RB1CC1: variants seen among roughly 807,000 people sequenced by gnomAD.
The protein encoded by RB1CC1 is RB1-inducible coiled-coil protein 1.
A neutral mutation model predicts 177.5 loss-of-function variants in RB1CC1; 46 were observed. That is an observed-to-expected ratio of 0.26 (90% confidence interval 0.20 to 0.33). RB1CC1 has a LOEUF of 0.33. Among genes scored for constraint, RB1CC1 ranks in the 10% least tolerant of loss-of-function variants. The pLI is 1.00. For synonymous variants in RB1CC1, 666 were observed against 613.6 expected (o/e 1.09, Z -1.26); for missense variants, 1,703 against 1,816.3 (o/e 0.94, Z 1.13).
intron 5 of RB1CC1, among the ~76,000 whole-genome samples, chr8:52,683,301 A>T (rs1853938387): frequency 6.6e-6 from 1 of 152,230 alleles, no homozygotes; most frequent in African/African-American, 2.4e-5. Context: ...TTTACATATT[A>T]TCTAGGAAAG....
intron 23 of RB1CC1, 78 bp from the exon 24 acceptor site, chr8:52,623,937 C>CA: frequency 1.1e-6 from 1 of 924,364 alleles, no homozygotes; most frequent in South Asian, 1.4e-5. Context: ...CACACACACC[C>CA]AAAAAACAAA....
In RB1CC1 at chr8:52,656,828, G is replaced by C; in HGVS notation, c.3001C>G (p.Gln1001Glu). The change falls in exon 15 of 24, where the codon CAA becomes GAA. Residue 1001 changes from glutamine to glutamate, a missense_variant. By Grantham distance (29) the Gln-to-Glu change is conservative (BLOSUM62 2). Coordinates refer to ENST00000025008, the MANE Select transcript of RB1CC1 (RefSeq NM_014781.5). ...TCTGTCATAACCTTCTCAAACTCTTGTATGTGCCTAACCTGAAGTGTGTCC... is the reference window on the plus strand; with the variant it reads ...TCTGTCATAACCTTCTCAAACTCTTCTATGTGCCTAACCTGAAGTGTGTCC... Reference protein sequence around the residue: ...LEDTLQVRHIQEFEKVMTDHR... With the variant: ...LEDTLQVRHIEEFEKVMTDHR... 3.7e-6 allele frequency: 6 copies of C among 1,613,666 alleles called. No homozygotes were observed. Among genetic ancestry groups the C allele is most frequent in the African/African-American group, 1.3e-5 (1 of 75,006 alleles).
At chr8:52,697,527 T>A (rs951870230) in intron 1 of RB1CC1, among the ~76,000 whole-genome samples, 1 of 152,068 alleles carries the variant, frequency 6.6e-6, no homozygotes, top group Admixed American at 6.5e-5. Context: ...TAACAGAAAA[T>A]GAACTCTGAA....
chr8:52,710,013 G>C (rs961539337), intron 1 of RB1CC1, among the ~76,000 whole-genome samples: 5 of 152,142 alleles, frequency 3.3e-5, no homozygotes, highest in Non-Finnish European at 7.4e-5. Flanking sequence ...AAATAATTTT[G>C]CCTGATCTCT....
intron 15 of RB1CC1, among the ~76,000 whole-genome samples, chr8:52,653,625 G>A (rs775865569): frequency 5.9e-5 from 9 of 152,164 alleles, no homozygotes; most frequent in Non-Finnish European, 1.2e-4. Context: ...TGGTGCTCAT[G>A]TGACAGAGTT....
chr8:52,687,917 G>T (rs1371318045), intron 1 of RB1CC1, among the ~76,000 whole-genome samples: 1 of 152,234 alleles, frequency 6.6e-6, no homozygotes, highest in Non-Finnish European at 1.5e-5. Context: ...GGATGTTGTT[G>T]TGGGAAGTCA....
chr8:52,701,793 A>G (rs866754015), intron 1 of RB1CC1, among the ~76,000 whole-genome samples: 40 of 140,820 alleles, frequency 2.8e-4, no homozygotes, highest in African/African-American at 9.9e-4. Flanking sequence ...GTCTTCTTTG[A>G]AAAAAAAAAA....
rs1591077282 is a variant in RB1CC1 at position 52,683,678 on chromosome 8, T to C, written c.240A>G (p.Leu80=). 1 of 1,603,880 alleles carries C rather than the reference T, an allele frequency of 6.2e-7. No homozygotes were observed. The change falls in exon 5 of 24, where the codon TTA becomes TTG. Residue 80 remains leucine (L), a synonymous_variant. Transcript: ENST00000025008. ...PIFLFNKEMI[L]CDRPPAIPKT... ...TAGGAATAGCAGGTGGACGATCACA[T>C]AAGATCATTTCTTTGTTAAAAAGAA...
intron 1 of RB1CC1, among the ~76,000 whole-genome samples, chr8:52,693,381 A>G (rs1855085551): frequency 1.3e-5 from 2 of 152,212 alleles, no homozygotes. Flanking sequence ...CATCTGACAA[A>G]GGTCTAATAT....
At position 52,658,041 on chromosome 8, in the gene RB1CC1, T is replaced by A. The variant is rs1166529971; in HGVS notation, c.1877A>T (p.Asp626Val). Residue 626 changes from aspartate (D) to valine (V), a missense_variant, in exon 14 of 24, where the codon GAT becomes GTT. By Grantham distance (152) the Asp-to-Val change is radical. Transcript: ENST00000025008. ...ATCTGTAATGGTCTGTGACATTTCA[T>A]CCAAACTTTGTGCTGCTTTTACCAA... ...HNLVKAAQSL[D>V]EMSQTITDLL... The A allele has an allele frequency of 6.2e-7, 1 of 1,614,122 alleles. No individual in the cohort carries two copies. Among genetic ancestry groups the A allele is most frequent in the Non-Finnish European group, 8.5e-7 (1 of 1,180,004 alleles).
intron 15 of RB1CC1, among the ~76,000 whole-genome samples, chr8:52,652,904 A>G (rs1341663893): frequency 1.3e-5 from 2 of 151,386 alleles, no homozygotes; most frequent in Non-Finnish European, 2.9e-5. Flanking sequence ...CTAAAAATAC[A>G]AAATTAGCCA....
chr8:52,660,648 A>G lies in RB1CC1; in HGVS notation c.1637T>C (p.Phe546Ser). Residue 546 changes from phenylalanine to serine, a missense_variant, in exon 12 of 24, where the codon TTT (phenylalanine) becomes TCT (serine). Around this residue, in one of 6 missense-constraint regions of RB1CC1, gnomAD observed 1,169 missense variants for 1,184.7 expected, o/e 0.99. Transcript: ENST00000025008. ...TCCCCTAAACAGACGATTTCTTAAA[A>G]AAGACTTCCCTGTATAAAGAAATTA... ...ESFGKLFRKS[F>S]LRNRLFRGLD... The G allele has an allele frequency of 6.3e-7, 1 of 1,599,868 alleles. No individual in the cohort carries two copies. The highest frequency in any genetic ancestry group is 8.5e-7 in the Non-Finnish European group (1 of 1,175,696).
chr8:52,688,797 C>T (rs937987429), intron 1 of RB1CC1, among the ~76,000 whole-genome samples: 2 of 152,148 alleles, frequency 1.3e-5, no homozygotes, highest in Non-Finnish European at 2.9e-5. Context: ...CATCACTGTC[C>T]TACCGATATG....
intron 1 of RB1CC1, among the ~76,000 whole-genome samples, chr8:52,687,932 C>A (rs1352221302): frequency 6.6e-6 from 1 of 152,274 alleles, no homozygotes; most frequent in African/African-American, 2.4e-5. Context: ...AAGTCAGGGA[C>A]CCCAAACAGA....
rs765532094 is a variant in RB1CC1 at position 52,656,752 on chromosome 8, T to C, written c.3077A>G (p.Asn1026Ser). Residue 1026 changes from asparagine to serine, a missense_variant, in exon 15 of 24, where the codon AAT becomes AGT. Coordinates refer to ENST00000025008, the MANE Select transcript of RB1CC1 (RefSeq NM_014781.5). ...TTCAGCATGAGATTCTTGTATTTGA[T>C]TAATTATTTGTTGGTTTTCCTTTTT... ...ELKKENQQII[N>S]QIQESHAEII... The C allele has an allele frequency of 6.2e-7, 1 of 1,613,738 alleles. No homozygotes were observed. Among genetic ancestry groups the C allele is most frequent in the Non-Finnish European group, 8.5e-7 (1 of 1,179,938 alleles).
rs574130327 is a variant in RB1CC1 at position 52,667,980 on chromosome 8, A to G, written c.1173+41T>C. On this transcript the variant is annotated intron_variant, in intron 8 of 23. Transcript: ENST00000025008. ...GCATATAAAACATGTGTACAAAAAA[A>G]CTATAAATTCCTTTTCCTGAGAAAA... is the stretch of plus-strand genomic sequence containing the variant. 141 of 1,573,042 alleles carry G rather than the reference A, an allele frequency of 9.0e-5. No homozygotes were observed. In the African/African-American group the frequency reaches 1.5e-3, roughly 17 times the overall value.
At chr8:52,707,954 C>T (rs748132378) in intron 1 of RB1CC1, among the ~76,000 whole-genome samples, 11 of 152,246 alleles carry the variant, frequency 7.2e-5, no homozygotes, top group South Asian at 6.2e-4. Flanking sequence ...TAAATTGCAA[C>T]GATACCTTTC....
At chr8:52,703,501 G>A (rs1216306409) in intron 1 of RB1CC1, among the ~76,000 whole-genome samples, 1 of 152,120 alleles carries the variant, frequency 6.6e-6, no homozygotes, top group African/African-American at 2.4e-5. Context: ...CCTGAAATGA[G>A]GTGCATGAAT....
chr8:52,657,332 A>T lies in RB1CC1; in HGVS notation c.2497T>A (p.Phe833Ile). 1 of 1,613,508 alleles carries T rather than the reference A, an allele frequency of 6.2e-7. No homozygotes were observed. Among genetic ancestry groups the T allele is most frequent in the Non-Finnish European group, 8.5e-7 (1 of 1,179,544 alleles). Residue 833 changes from phenylalanine to isoleucine, a missense_variant, in exon 15 of 24, where the codon TTC (phenylalanine) becomes ATC (isoleucine). Phe to Ile is a conservative substitution (Grantham distance 21). Transcript: ENST00000025008. ...GCTGTACATTTTAATGAATTTGAGAAGTCACACTGTTCTTTTTGTACAAAT... is the reference window on the plus strand; with the variant it reads ...GCTGTACATTTTAATGAATTTGAGATGTCACACTGTTCTTTTTGTACAAAT... ...RTFVQKEQCDFSNSLKCTAVE... is the reference protein window; with the variant it reads ...RTFVQKEQCDISNSLKCTAVE...
Sources: allele counts gnomAD v4.1 joint callset (sites outside exome capture counted in the v4.1 genomes callset), GRCh38; gene constraint gnomAD v4.1.1; regional missense constraint gnomAD v4.1.1; transcripts MANE v1.5; gene names NCBI Gene and HGNC (gene_info 2026-07-23, HGNC 2026-07-21).